Variants in C21orf58 observed in about 807,000 individuals in gnomAD.
C21orf58 encodes chromosome 21 open reading frame 58, also known as uncharacterized protein C21orf58.
Under a neutral mutation model 35.8 loss-of-function variants are expected in C21orf58, and 34 were observed. The ratio of observed to expected loss-of-function variants is 0.95; its 90% CI spans 0.72 to 1.26. C21orf58 has a LOEUF of 1.26. Among genes scored for constraint, C21orf58 ranks in the 50% most tolerant of loss-of-function variants. The pLI is 0.00. For synonymous variants in C21orf58, 191 were observed against 175.8 expected (o/e 1.09, Z -0.68); for missense variants, 440 against 414.3 (o/e 1.06, Z -0.54).
At chr21:46,312,268 G>T (rs572855003) in intron 5 of C21orf58, among the ~76,000 whole-genome samples, 35 of 152,200 alleles carry the variant, frequency 2.3e-4, no homozygotes, top group African/African-American at 8.4e-4. Context: ...GTGGGCTGAG[G>T]CCTGGTTCCA....
chr21:46,323,834 G>A lies in C21orf58; in HGVS notation c.-1096C>T, dbSNP rs992568793. ...GCTGTCCTGGTGGACACAAAGCCCA[G>A]GGGCCGCCCGCGCGGGACCAGCAGC... On this transcript the variant is annotated 5_prime_UTR_variant, in exon 1 of 8. Coordinates refer to ENST00000291691, the MANE Select transcript of C21orf58 (RefSeq NM_058180.5). 5.5e-6 allele frequency: 2 copies of A among 361,936 alleles called. No homozygotes were observed. The highest frequency in any genetic ancestry group is 2.2e-5 in the African/African-American group (1 of 45,862). 22.4% of individuals were successfully genotyped at this position (361,936 alleles called of 1,614,324 possible).
chr21:46,302,150 G>A lies in C21orf58; in HGVS notation c.818C>T (p.Pro273Leu), dbSNP rs566741667. The A allele has an allele frequency of 8.5e-5, 127 of 1,488,530 alleles. No homozygotes were observed. Among genetic ancestry groups the A allele is most frequent in the Middle Eastern group, 3.5e-4 (2 of 5,716 alleles). 92.2% of individuals were successfully genotyped at this position (1,488,530 alleles called of 1,614,324 possible). A position where few individuals can be genotyped will look rare whatever the true frequency, so the allele number is the denominator to read the frequency against. The change falls in exon 8 of 8, where the codon CCG becomes CTG. Residue 273 changes from proline to leucine, a missense_variant. Coordinates refer to ENST00000291691, the MANE Select transcript of C21orf58 (RefSeq NM_058180.5). The part of the protein sequence containing the change: ...LKALPPALQD[P>L]PHVPPRVPRA... ...TGGGACCCTCGGGGGCACATGTGGC[G>A]GGTCCTGCCACAGACGCACCTGCTG...
In C21orf58 at chr21:46,319,429, G is replaced by A. The variant is rs2083083696; in HGVS notation, c.101-1209C>T. On this transcript the variant is annotated intron_variant, in intron 1 of 7. Transcript: ENST00000291691. ...TCCCAGATGGCAGTCAGGGGTCCTC[G>A]CTGGTGCTGCTGGACATGAGCAGAC... 2.6e-5 allele frequency among the ~76,000 whole-genome samples: 4 copies of A among 152,186 alleles called. 1 individual carries two copies. The South Asian group carries it at 6.2e-4, about 24-fold the overall frequency.
At chr21:46,313,351 T>C (rs2082823557) in intron 5 of C21orf58, among the ~76,000 whole-genome samples, 1 of 152,220 alleles carries the variant, frequency 6.6e-6, no homozygotes, top group Admixed American at 6.5e-5. Flanking sequence ...GCAGGCCAGC[T>C]CCGGTCTGAA....
At chr21:46,303,722 TATATATATATATATATATATATA>T in intron 6 of C21orf58, among the ~76,000 whole-genome samples, 1 of 22,722 alleles carries the variant, frequency 4.4e-5, no homozygotes, top group Middle Eastern at 0.018. Context: ...TATATATATA[TATATATATATATATATATATATA>T]TTTTTTTTTT....
chr21:46,322,436 G>A, intron 1 of C21orf58: 3 of 985,144 alleles, frequency 3.0e-6, no homozygotes, highest in East Asian at 1.1e-4. Flanking sequence ...AGTTGTAAAT[G>A]TATTGTAACA....
At chr21:46,316,268 G>T (rs559595359) in intron 3 of C21orf58, among the ~76,000 whole-genome samples, 1 of 152,004 alleles carries the variant, frequency 6.6e-6, no homozygotes, top group African/African-American at 2.4e-5. Flanking sequence ...CGAGCCTGGC[G>T]AACATGGCAA....
At chr21:46,306,883 C>T (rs1053540286) in intron 6 of C21orf58, among the ~76,000 whole-genome samples, 3 of 151,044 alleles carry the variant, frequency 2.0e-5, no homozygotes, top group African/African-American at 4.9e-5. Flanking sequence ...CCGCTGTGCC[C>T]GGCCTCCCCT....
At position 46,315,527 on chromosome 21, in the gene C21orf58, C is replaced by T. The variant is rs1302627599; in HGVS notation, c.391G>A (p.Asp131Asn). The change falls in exon 4 of 8, where the codon GAT (aspartate) becomes AAT (asparagine). Residue 131 changes from aspartate (D) to asparagine (N), a missense_variant. Physicochemically the swap from Asp to Asn is conservative, Grantham distance 23. Transcript: ENST00000291691. ...LEPGNEDRPD[D>N]ALQTALKRRR... Reference sequence around the variant, plus strand: ...CTCTTCAGAGCAGTCTGCAGGGCATCGTCCGGCCGGTCCTCATTTCCTGGA... The same window carrying T: ...CTCTTCAGAGCAGTCTGCAGGGCATTGTCCGGCCGGTCCTCATTTCCTGGA... The T allele has an allele frequency of 3.1e-5, 50 of 1,611,514 alleles. No homozygotes were observed. The highest frequency in any genetic ancestry group is 4.5e-5 in the East Asian group (2 of 44,876).
At chr21:46,316,599 G>A (rs1055103005) in intron 3 of C21orf58, among the ~76,000 whole-genome samples, 10 of 152,236 alleles carry the variant, frequency 6.6e-5, no homozygotes, top group African/African-American at 1.4e-4. Flanking sequence ...GAGAGGGGCC[G>A]TTGGGAACCC....
At chr21:46,307,249 C>T (rs895612752) in intron 6 of C21orf58, among the ~76,000 whole-genome samples, 6 of 152,060 alleles carry the variant, frequency 3.9e-5, no homozygotes, top group Non-Finnish European at 7.4e-5. Flanking sequence ...TAGGCTCAAG[C>T]GATCTTCCTG....
intron 4 of C21orf58, 34 bp from the exon 5 acceptor site, chr21:46,314,914 G>T: frequency 6.5e-7 from 1 of 1,550,368 alleles, no homozygotes; most frequent in Non-Finnish European, 8.7e-7. Flanking sequence ...TGCACACGGG[G>T]ACGGGGAGCC....
At position 46,315,466 on chromosome 21, in the gene C21orf58, G is replaced by A; in HGVS notation, c.444+8C>T. On this transcript the variant is annotated splice_region_variant and intron_variant, in intron 4 of 7. Transcript: ENST00000291691. ...CAGCCAGGTTCGCTCAGAGGGTGCAGGGCCTACCCGGAGTCTCTGCAGAAG... is the reference window on the plus strand; with the variant it reads ...CAGCCAGGTTCGCTCAGAGGGTGCAAGGCCTACCCGGAGTCTCTGCAGAAG... The A allele has an allele frequency of 3.2e-6, 5 of 1,574,642 alleles. No homozygotes were observed. The highest frequency in any genetic ancestry group is 4.4e-6 in the Non-Finnish European group (5 of 1,144,344).
intron 4 of C21orf58, 36 bp from the exon 5 acceptor site, chr21:46,314,916 C>T (rs753020475): frequency 5.2e-6 from 8 of 1,550,222 alleles, no homozygotes; most frequent in East Asian, 4.9e-5. Flanking sequence ...CACACGGGGA[C>T]GGGGAGCCCC....
At chr21:46,322,130 A>T (rs2083181054) in intron 1 of C21orf58, among the ~76,000 whole-genome samples, 1 of 152,024 alleles carries the variant, frequency 6.6e-6, no homozygotes, top group Non-Finnish European at 1.5e-5. Context: ...GTCTACTAAA[A>T]ATACAAAAAT....
intron 1 of C21orf58, among the ~76,000 whole-genome samples, chr21:46,321,901 CTTTTTT>C (rs397867797): frequency 5.9e-5 from 7 of 119,124 alleles, no homozygotes; most frequent in South Asian, 5.8e-4. Context: ...ATCTGGGCAG[CTTTTTT>C]TTTTTTTTTT....
At chr21:46,305,296 T>C (rs1351669673) in intron 6 of C21orf58, among the ~76,000 whole-genome samples, 1 of 149,690 alleles carries the variant, frequency 6.7e-6, no homozygotes, top group Non-Finnish European at 1.5e-5. Context: ...TAAAGTTACA[T>C]GGTTTTTTTT....
chr21:46,301,644 T>A lies in C21orf58; in HGVS notation c.*355A>T. The A allele has an allele frequency of 9.2e-7, 1 of 1,087,022 alleles. No individual in the cohort carries two copies. The highest frequency in any genetic ancestry group is 1.1e-6 in the Non-Finnish European group (1 of 895,680). The allele number at this position is 1,087,022 out of a possible 1,614,324, so 67.3% of individuals were successfully genotyped here. A position where few individuals can be genotyped will look rare whatever the true frequency, so the allele number is the denominator to read the frequency against. On this transcript the variant is annotated 3_prime_UTR_variant, in exon 8 of 8. Transcript: ENST00000291691. ...TCTTTATTTCATCAGGCTGGTGGCG[T>A]CCACGGCCTCAACTTTACCTCCGTG...
At chr21:46,317,461 G>A (rs1202513899) in intron 2 of C21orf58, 193 bp from the exon 3 acceptor site, 5 of 853,004 alleles carry the variant, frequency 5.9e-6, no homozygotes, top group Non-Finnish European at 9.0e-6. Context: ...CTGACCTCTA[G>A]CAAATTCATG....
Sources: allele counts gnomAD v4.1 joint callset (sites outside exome capture counted in the v4.1 genomes callset), GRCh38; gene constraint gnomAD v4.1.1; transcripts MANE v1.5; gene names NCBI Gene and HGNC (gene_info 2026-07-23, HGNC 2026-07-21).